Variants in POTEJ observed in about 807,000 individuals in gnomAD.
POTEJ encodes POTE ankyrin domain family member J, also known as POTE ankyrin domain family, member J.
Under a neutral mutation model 69.0 loss-of-function variants are expected in POTEJ, and 11 were observed. The observed-to-expected ratio is 0.16, with a 90% confidence interval of 0.10 to 0.26. The LOEUF is 0.26. Ranked by LOEUF, POTEJ falls within the 10% of genes least tolerant of loss-of-function variation. POTEJ has a pLI of 1.00. For synonymous variants in POTEJ, 117 were observed against 381.1 expected, an observed-to-expected ratio of 0.31 and a Z score of 8.07; for missense variants, 327 against 1,045.5, an observed-to-expected ratio of 0.31 and a Z score of 9.48.
intron 1 of POTEJ, among the ~76,000 whole-genome samples, chr2:130,615,821 A>G (rs966974242): frequency 7.0e-6 from 1 of 142,892 alleles, no homozygotes; most frequent in African/African-American, 2.8e-5. Flanking sequence ...AACAAAATTT[A>G]TAACAGTCTT....
intron 9 of POTEJ, among the ~76,000 whole-genome samples, chr2:130,637,152 A>AGTGCAGTGGCGCGATCTCAGT (rs1686124821): frequency 6.6e-6 from 1 of 150,902 alleles, no homozygotes; most frequent in Admixed American, 6.6e-5. Flanking sequence ...CATTTTTAAA[A>AGTGCAGTGGCGCGATCTCAGT]TCGTTTTGGC....
At chr2:130,637,209 A>G (rs1258025480) in intron 9 of POTEJ, among the ~76,000 whole-genome samples, 1 of 151,306 alleles carries the variant, frequency 6.6e-6, no homozygotes, top group Non-Finnish European at 1.5e-5. Context: ...TTATTTAGGG[A>G]GAAAAGCCCA....
intron 1 of POTEJ, among the ~76,000 whole-genome samples, chr2:130,615,843 T>C (rs1360125322): frequency 1.4e-5 from 2 of 140,380 alleles, no homozygotes; most frequent in Non-Finnish European, 3.1e-5. Context: ...AATCCTAATA[T>C]GAATGATTGG....
intron 6 of POTEJ, among the ~76,000 whole-genome samples, chr2:130,626,999 T>C (rs1685735352): frequency 6.6e-6 from 1 of 152,164 alleles, no homozygotes. Context: ...GTATCGTCAA[T>C]ATGATTTAGT....
intron 1 of POTEJ, among the ~76,000 whole-genome samples, chr2:130,612,478 G>A (rs1309338068): frequency 2.0e-5 from 3 of 152,266 alleles, no homozygotes; most frequent in Non-Finnish European, 4.4e-5. Context: ...TAAGATGTGA[G>A]CTTTTTGGCT....
chr2:130,638,403 G>A (rs1245378898), intron 9 of POTEJ, among the ~76,000 whole-genome samples: 1 of 150,278 alleles, frequency 6.7e-6, no homozygotes, highest in African/African-American at 2.4e-5. Context: ...GGGTCACAGT[G>A]CCCTCGATTT....
rs1159839166 is a variant in POTEJ at position 130,611,797 on chromosome 2, A to G, written c.265A>G (p.Ser89Gly). 1 of 1,499,680 alleles carries G rather than the reference A, an allele frequency of 6.7e-7. No individual in the cohort carries two copies. The highest frequency in any genetic ancestry group is 2.3e-5 in the East Asian group (1 of 44,328). 92.9% of individuals were successfully genotyped at this position (1,499,680 alleles called of 1,614,324 possible). A position where few individuals can be genotyped will look rare whatever the true frequency, so the allele number is the denominator to read the frequency against. Residue 89 changes from serine to glycine, a missense_variant, in exon 1 of 15, where the codon AGC (serine) becomes GGC (glycine). By Grantham distance (56) the Ser-to-Gly change is moderately conservative. Coordinates refer to ENST00000409602, the MANE Select transcript of POTEJ (RefSeq NM_001277083.2). ...NVGAWGDYDD[S>G]AFVEPRYHVR... The stretch of plus-strand genomic sequence containing the variant: ...GGGTGCTTGGGGAGACTACGACGAC[A>G]GCGCCTTCGTGGAGCCGAGATACCA...
intron 9 of POTEJ, among the ~76,000 whole-genome samples, chr2:130,637,180 A>G (rs1325251544): frequency 6.6e-6 from 1 of 150,692 alleles, no homozygotes; most frequent in Non-Finnish European, 1.5e-5. Context: ...AATAAGCTAC[A>G]TTGTTTATAT....
rs1253162230 is a variant in POTEJ, at chr2:130,612,758, G to A, written c.410+816G>A. ...AGCCTGGGAGACAGAGCGAGATTCC[G>A]TCTCAAAAAAAAAAAAAAAAAAAAA... On this transcript the variant is annotated intron_variant, in intron 1 of 14. Transcript: ENST00000409602. Among the ~76,000 whole-genome samples, 23 of 103,808 alleles carry A rather than the reference G, an allele frequency of 2.2e-4. No individual in the cohort carries two copies. In the South Asian group the frequency reaches 3.0e-3, roughly 14 times the overall value. 68.1% of individuals were successfully genotyped at this position (103,808 alleles called of 152,430 possible).
At chr2:130,636,566 A>G (rs1189657399) in intron 9 of POTEJ, among the ~76,000 whole-genome samples, 37 of 144,660 alleles carry the variant, frequency 2.6e-4, no homozygotes, top group African/African-American at 9.2e-4. Flanking sequence ...TAAACATTTC[A>G]TTTTCCTGCT....
intron 6 of POTEJ, among the ~76,000 whole-genome samples, chr2:130,624,499 C>T (rs1164529750): frequency 1.3e-5 from 2 of 151,622 alleles, no homozygotes; most frequent in African/African-American, 4.9e-5. Context: ...GTTCATGCTC[C>T]AATGAGTATC....
At chr2:130,612,496 G>T (rs1180146536) in intron 1 of POTEJ, among the ~76,000 whole-genome samples, 1 of 152,278 alleles carries the variant, frequency 6.6e-6, no homozygotes, top group Admixed American at 6.5e-5. Flanking sequence ...GCTGGGCGCG[G>T]TGGCTCATGC....
chr2:130,612,434 G>T (rs1170543221), intron 1 of POTEJ, among the ~76,000 whole-genome samples: 1 of 151,092 alleles, frequency 6.6e-6, no homozygotes, highest in Non-Finnish European at 1.5e-5. Context: ...TGGGAAGATG[G>T]TTCCTGTGCT....
chr2:130,637,696 A>C (rs1441970170), intron 9 of POTEJ, among the ~76,000 whole-genome samples: 1 of 152,292 alleles, frequency 6.6e-6, no homozygotes, highest in South Asian at 2.1e-4. Flanking sequence ...GTATGTTAAA[A>C]ATTAGAGAAT....
intron 6 of POTEJ, among the ~76,000 whole-genome samples, chr2:130,625,083 A>T (rs1188657267): frequency 6.6e-6 from 1 of 152,178 alleles, no homozygotes; most frequent in Non-Finnish European, 1.5e-5. Context: ...TATAGTCCAA[A>T]CTGTATGAGG....
At chr2:130,637,866 G>T (rs1427895081) in intron 9 of POTEJ, among the ~76,000 whole-genome samples, 2 of 149,374 alleles carry the variant, frequency 1.3e-5, no homozygotes, top group Non-Finnish European at 3.0e-5. Flanking sequence ...TCCAAGTCAG[G>T]TCTTAACATC....
At chr2:130,647,123 T>G (rs1429753993) in intron 13 of POTEJ, among the ~76,000 whole-genome samples, 2 of 150,706 alleles carry the variant, frequency 1.3e-5, no homozygotes, top group Non-Finnish European at 2.9e-5. Context: ...CCCAAAATAA[T>G]GTATTATGCA....
At chr2:130,624,649 T>G (rs1170786385) in intron 6 of POTEJ, among the ~76,000 whole-genome samples, 2 of 151,958 alleles carry the variant, frequency 1.3e-5, no homozygotes, top group Non-Finnish European at 2.9e-5. Flanking sequence ...TAATAGTCCA[T>G]GGACTGGTAT....
At chr2:130,627,228 G>C (rs1272311277) in intron 6 of POTEJ, among the ~76,000 whole-genome samples, 4 of 151,288 alleles carry the variant, frequency 2.6e-5, no homozygotes, top group African/African-American at 9.8e-5. Context: ...GTAGGTAATT[G>C]GATAACCAGC....
Sources: gnomAD v4.1 joint callset for allele counts (sites outside exome capture counted in the v4.1 genomes callset) on GRCh38, gnomAD v4.1.1 for gene constraint, MANE v1.5 for transcripts, NCBI Gene and HGNC (gene_info 2026-07-23, HGNC 2026-07-21) for gene names.